KCNIP1: variants seen among roughly 807,000 people sequenced by gnomAD.
KCNIP1 encodes potassium voltage-gated channel interacting protein 1, also known as A-type potassium channel modulatory protein KCNIP1.
KCNIP1 carries 18 observed loss-of-function variants against 33.0 expected under a neutral mutation model. That is an observed-to-expected ratio of 0.55 (90% CI 0.38 to 0.81). KCNIP1 has a LOEUF of 0.81. Ranked by LOEUF, KCNIP1 falls within the 30% of genes least tolerant of loss-of-function variation. KCNIP1 has a pLI of 0.00. For synonymous variants in KCNIP1, 93 were observed against 98.3 expected (o/e 0.95, Z 0.32); for missense variants, 238 against 271.6 (o/e 0.88, Z 0.87).
chr5:170,452,597 A>G (rs2113078111), intron 1 of KCNIP1, among the ~76,000 whole-genome samples: 1 of 152,268 alleles, frequency 6.6e-6, no homozygotes, highest in Middle Eastern at 3.4e-3. Context: ...TGGCTGTAAA[A>G]TTGTCACCCT....
At chr5:170,642,564 A>G (rs907552617) in intron 1 of KCNIP1, among the ~76,000 whole-genome samples, 2 of 152,172 alleles carry the variant, frequency 1.3e-5, no homozygotes, top group Admixed American at 1.3e-4. Context: ...GCCAAAGCAA[A>G]GCCTCAGACC....
intron 1 of KCNIP1, among the ~76,000 whole-genome samples, chr5:170,542,895 G>A (rs1225495877): frequency 6.6e-6 from 1 of 152,190 alleles, no homozygotes. Context: ...TGAAACTGCT[G>A]ATTGGGGGGA....
At chr5:170,551,984 G>A (rs532272898) in intron 1 of KCNIP1, among the ~76,000 whole-genome samples, 9 of 150,738 alleles carry the variant, frequency 6.0e-5, no homozygotes, top group East Asian at 5.9e-4. Flanking sequence ...GTGTGTGAGC[G>A]TGTGTTGTGT....
chr5:170,604,039 A>G (rs1204127992), intron 1 of KCNIP1, among the ~76,000 whole-genome samples: 2 of 152,172 alleles, frequency 1.3e-5, no homozygotes, highest in African/African-American at 4.8e-5. Flanking sequence ...GCAAGAGTTG[A>G]CAAAACTTGA....
chr5:170,693,187 C>G (rs578190962), intron 1 of KCNIP1, among the ~76,000 whole-genome samples: 3 of 152,196 alleles, frequency 2.0e-5, no homozygotes, highest in African/African-American at 7.2e-5. Context: ...CGCCCTCTCA[C>G]CCCCTCCCGC....
At chr5:170,546,364 C>T (rs1392915950) in intron 1 of KCNIP1, among the ~76,000 whole-genome samples, 2 of 152,200 alleles carry the variant, frequency 1.3e-5, no homozygotes, top group African/African-American at 2.4e-5. Context: ...TTCCCAGCCA[C>T]CTGAGCTGCA....
intron 1 of KCNIP1, chr5:170,378,674 T>C: frequency 6.4e-7 from 1 of 1,572,918 alleles, no homozygotes; most frequent in Non-Finnish European, 8.6e-7. Context: ...CCCTGTGCCC[T>C]GACAAGTGGT....
chr5:170,710,483 T>TTTTAG (rs1763407259), intron 1 of KCNIP1, among the ~76,000 whole-genome samples: 6 of 152,228 alleles, frequency 3.9e-5, no homozygotes, highest in Admixed American at 2.0e-4. Flanking sequence ...CTATTTTTTC[T>TTTTAG]CTTAGTCTTG....
At chr5:170,690,484 AATAG>A (rs1762684555) in intron 1 of KCNIP1, among the ~76,000 whole-genome samples, 1 of 152,252 alleles carries the variant, frequency 6.6e-6, no homozygotes, top group East Asian at 1.9e-4. Flanking sequence ...ATATCCCAAG[AATAG>A]ATAAAGTTCC....
In KCNIP1 at chr5:170,365,729, G is replaced by A. The variant is rs114074979; in HGVS notation, c.88+11765G>A. ...ATGATTTTGGAGTTCACTGGATGCT[G>A]AATCCATTACCACCAAATTGTGTGA... On this transcript the variant is annotated intron_variant, in intron 1 of 7. Transcript: ENST00000377360. Among the ~76,000 whole-genome samples the A allele has an allele frequency of 3.2e-3, 488 of 152,316 alleles. 2 individuals carry two copies. Among genetic ancestry groups the A allele is most frequent in the African/African-American group, 0.011 (441 of 41,564 alleles).
At chr5:170,684,683 G>A (rs560423061) in intron 1 of KCNIP1, among the ~76,000 whole-genome samples, 60 of 152,242 alleles carry the variant, frequency 3.9e-4, no homozygotes, top group South Asian at 1.2e-3. Context: ...TCCCACCAGC[G>A]GGAGTTTCCC....
intron 1 of KCNIP1, among the ~76,000 whole-genome samples, chr5:170,647,724 C>A (rs1013177305): frequency 6.6e-6 from 1 of 152,038 alleles, no homozygotes; most frequent in Non-Finnish European, 1.5e-5. Context: ...ATGGCAGTGA[C>A]TTTCTAGATA....
chr5:170,571,450 G>A (rs1405095259), intron 1 of KCNIP1, among the ~76,000 whole-genome samples: 8 of 152,228 alleles, frequency 5.3e-5, no homozygotes, highest in African/African-American at 1.7e-4. Flanking sequence ...GGAGCAACTT[G>A]CTCTGTCTCC....
chr5:170,457,453 G>A (rs1170918447), intron 1 of KCNIP1, among the ~76,000 whole-genome samples: 1 of 152,124 alleles, frequency 6.6e-6, no homozygotes, highest in East Asian at 1.9e-4. Flanking sequence ...CAGGACCTGG[G>A]AGACACCTCA....
chr5:170,356,544 AC>A (rs1763353111), intron 1 of KCNIP1, among the ~76,000 whole-genome samples: 1 of 152,302 alleles, frequency 6.6e-6, no homozygotes, highest in Middle Eastern at 3.4e-3. Flanking sequence ...GCTCATGTCC[AC>A]CTGCTCACAT....
At chr5:170,615,986 G>A (rs1759353862) in intron 1 of KCNIP1, among the ~76,000 whole-genome samples, 1 of 152,164 alleles carries the variant, frequency 6.6e-6, no homozygotes, top group African/African-American at 2.4e-5. Context: ...AGGCAGGACT[G>A]AGATGTTTGG....
At chr5:170,590,042 A>C (rs1270497813) in intron 1 of KCNIP1, among the ~76,000 whole-genome samples, 1 of 152,234 alleles carries the variant, frequency 6.6e-6, no homozygotes, top group African/African-American at 2.4e-5. Context: ...TAGGAGGAAT[A>C]ATGTATAGGA....
intron 1 of KCNIP1, among the ~76,000 whole-genome samples, chr5:170,686,102 C>A (rs1762528261): frequency 6.6e-6 from 1 of 152,160 alleles, no homozygotes; most frequent in African/African-American, 2.4e-5. Context: ...AGGATACTAG[C>A]ATTCAGAGTG....
At chr5:170,684,058 A>G (rs1033424920) in intron 1 of KCNIP1, among the ~76,000 whole-genome samples, 10 of 152,080 alleles carry the variant, frequency 6.6e-5, no homozygotes, top group African/African-American at 2.4e-4. Context: ...CGCCTGGCCA[A>G]TCTTTTAGGG....
Sources: allele counts gnomAD v4.1 joint callset (sites outside exome capture counted in the v4.1 genomes callset), GRCh38; gene constraint gnomAD v4.1.1; transcripts MANE v1.5; gene names NCBI Gene and HGNC (gene_info 2026-07-23, HGNC 2026-07-21).